KIAA1549L: variants seen among roughly 807,000 people sequenced by gnomAD.
KIAA1549L encodes the protein KIAA1549 like.
A neutral mutation model predicts 160.7 loss-of-function variants in KIAA1549L; 88 were observed. The ratio of observed to expected loss-of-function variants is 0.55; its 90% confidence interval spans 0.46 to 0.65. KIAA1549L has a LOEUF of 0.65. KIAA1549L is among the 30% of genes least tolerant of loss of function. The pLI is 0.00. For synonymous variants in KIAA1549L, 950 were observed against 976.7 expected (o/e 0.97, Z 0.51); for missense variants, 2,258 against 2,437.5 (o/e 0.93, Z 1.55).
intron 1 of KIAA1549L, among the ~76,000 whole-genome samples, chr11:33,382,486 A>G (rs924764813): frequency 6.6e-6 from 1 of 152,104 alleles, no homozygotes; most frequent in African/African-American, 2.4e-5. Context: ...GACAATTCTT[A>G]TGAAGTTTTT....
intron 1 of KIAA1549L, among the ~76,000 whole-genome samples, chr11:33,410,868 C>T (rs1850771866): frequency 6.6e-6 from 1 of 152,190 alleles, no homozygotes; most frequent in South Asian, 2.1e-4. Context: ...AGAGCTAAGG[C>T]ATTTGGAAGC....
At chr11:33,396,814 G>A (rs1850384148) in intron 1 of KIAA1549L, among the ~76,000 whole-genome samples, 1 of 151,966 alleles carries the variant, frequency 6.6e-6, no homozygotes, top group African/African-American at 2.4e-5. Flanking sequence ...GCAAAGCATG[G>A]TGGTGCACAC....
chr11:33,649,873 A>G (rs1851835069), intron 17 of KIAA1549L, among the ~76,000 whole-genome samples: 1 of 151,836 alleles, frequency 6.6e-6, no homozygotes, highest in African/African-American at 2.4e-5. Flanking sequence ...AAAAAAAAAA[A>G]AAAGGAAAGA....
chr11:33,516,006 T>C (rs1853334979), intron 1 of KIAA1549L, among the ~76,000 whole-genome samples: 1 of 152,232 alleles, frequency 6.6e-6, no homozygotes, highest in Non-Finnish European at 1.5e-5. Flanking sequence ...AAATTCATGC[T>C]GCCATTCTGT....
intron 1 of KIAA1549L, among the ~76,000 whole-genome samples, chr11:33,493,485 G>A (rs1852744484): frequency 6.6e-6 from 1 of 152,138 alleles, no homozygotes; most frequent in Non-Finnish European, 1.5e-5. Context: ...ATGCTGTGCT[G>A]GGGGCATCTT....
At chr11:33,497,597 A>G (rs1298359785) in intron 1 of KIAA1549L, among the ~76,000 whole-genome samples, 1 of 152,212 alleles carries the variant, frequency 6.6e-6, no homozygotes, top group African/African-American at 2.4e-5. Context: ...GTTCTTTTTT[A>G]GTATATCTGG....
Position 33,658,816 on chromosome 11 carries a change from G to T in KIAA1549L, c.5925G>T (p.Leu1975=), listed in dbSNP as rs1852160654. 1 of 1,566,578 alleles carries T rather than the reference G, an allele frequency of 6.4e-7. No homozygotes were observed. The highest frequency in any genetic ancestry group is 8.7e-7 in the Non-Finnish European group (1 of 1,155,894). ...AESTGPEPAQ[L]HDSASFTQMS... ...CTACAGGGCCCGAGCCGGCCCAGCT[G>T]CACGACAGCGCCTCCTTCACGCAGA... is the stretch of plus-strand genomic sequence containing the variant. Residue 1975 remains leucine, a synonymous_variant, in exon 19 of 21, where the codon CTG becomes CTT. Transcript: ENST00000658780.
At chr11:33,450,042 T>A (rs972262801) in intron 1 of KIAA1549L, among the ~76,000 whole-genome samples, 7 of 152,216 alleles carry the variant, frequency 4.6e-5, no homozygotes, top group Non-Finnish European at 7.3e-5. Context: ...GTGACTTGGC[T>A]TTATGGTATG....
chr11:33,652,097 C>T (rs1002134025), intron 17 of KIAA1549L, among the ~76,000 whole-genome samples: 4 of 151,258 alleles, frequency 2.6e-5, no homozygotes, highest in African/African-American at 9.7e-5. Flanking sequence ...GGCAGGGACC[C>T]CAAAAGACGG....
intron 1 of KIAA1549L, among the ~76,000 whole-genome samples, chr11:33,418,684 TG>T (rs1288400914): frequency 6.6e-6 from 1 of 152,168 alleles, no homozygotes. Flanking sequence ...GAAAGTTACC[TG>T]GGGTGGATGG....
intron 1 of KIAA1549L, among the ~76,000 whole-genome samples, chr11:33,438,600 G>A (rs1014045118): frequency 2.6e-5 from 4 of 152,250 alleles, no homozygotes; most frequent in African/African-American, 4.8e-5. Flanking sequence ...CAGCACGTGG[G>A]CCTTCCATGC....
In KIAA1549L at chr11:33,376,221, G is replaced by A. The variant is rs1341399090; in HGVS notation, c.-431G>A. Among the ~76,000 whole-genome samples the A allele has an allele frequency of 6.7e-6, 1 of 149,326 alleles. No homozygotes were observed. Among genetic ancestry groups the A allele is most frequent in the Non-Finnish European group, 1.5e-5 (1 of 66,908 alleles). ...GAGCGAGGAGCGAGGAGCCAGGACAGCGGGGCGCCGAGGCTGCAGCGGCGG... is the reference window on the plus strand; with the variant it reads ...GAGCGAGGAGCGAGGAGCCAGGACAACGGGGCGCCGAGGCTGCAGCGGCGG... On this transcript the variant is annotated 5_prime_UTR_variant, in exon 1 of 21. Transcript: ENST00000658780. This position sits in a 1 kb window ranked among gnomAD's most constrained non-coding sequence, Gnocchi z 5.8.
chr11:33,544,461 C>T, intron 2 of KIAA1549L, 125 bp downstream of exon 2: 2 of 1,045,148 alleles, frequency 1.9e-6, no homozygotes, highest in Non-Finnish European at 2.8e-6. Flanking sequence ...GCTCATACCC[C>T]CGATCAGGAA....
At chr11:33,437,623 T>C (rs1308869645) in intron 1 of KIAA1549L, among the ~76,000 whole-genome samples, 1 of 152,234 alleles carries the variant, frequency 6.6e-6, no homozygotes, top group Non-Finnish European at 1.5e-5. Flanking sequence ...GCATGGAATG[T>C]ATATAGCAAG....
At chr11:33,563,391 C>G (rs1212404726) in intron 8 of KIAA1549L, among the ~76,000 whole-genome samples, 1 of 150,552 alleles carries the variant, frequency 6.6e-6, no homozygotes, top group African/African-American at 2.4e-5. Context: ...GGGGGACACA[C>G]GTCAGCCTGT....
At chr11:33,468,280 T>C (rs1173055930) in intron 1 of KIAA1549L, among the ~76,000 whole-genome samples, 1 of 152,232 alleles carries the variant, frequency 6.6e-6, no homozygotes, top group Non-Finnish European at 1.5e-5. Flanking sequence ...GTCAGTAGTT[T>C]CCATGGCACC....
chr11:33,574,873 C>A lies in KIAA1549L; in HGVS notation c.4402C>A (p.Pro1468Thr). 2 of 1,611,418 alleles carry A rather than the reference C, an allele frequency of 1.2e-6. No homozygotes were observed. The highest frequency in any genetic ancestry group is 8.5e-7 in the Non-Finnish European group (1 of 1,178,362). The change falls in exon 10 of 21, where the codon CCC (proline) becomes ACC (threonine). Residue 1468 changes from proline to threonine, a missense_variant and splice_region_variant. This residue lies in a region of KIAA1549L where 1,359 missense variants were observed against 1,546.6 expected (regional missense o/e 0.88). Coordinates refer to ENST00000658780, the MANE Select transcript of KIAA1549L (RefSeq NM_012194.3). ...LHHVVLLQAD[P>T]VVKNPPNNLW... ...TCACGTTGTCCTTCTGCAAGCTGAC[C>A]GTAAGGGAATGGTCTTTTTATTCAG...
intron 7 of KIAA1549L, among the ~76,000 whole-genome samples, chr11:33,560,470 A>G (rs1320988904): frequency 6.6e-6 from 1 of 152,180 alleles, no homozygotes; most frequent in Non-Finnish European, 1.5e-5. Flanking sequence ...GCCTCCAGAT[A>G]TCATAATATA....
At chr11:33,489,281 G>C (rs990480575) in intron 1 of KIAA1549L, among the ~76,000 whole-genome samples, 3 of 152,166 alleles carry the variant, frequency 2.0e-5, no homozygotes, top group African/African-American at 2.4e-5. Flanking sequence ...CTGCCTTCTT[G>C]CTGTGTGCTT....
Sources: gnomAD v4.1 joint callset for allele counts (sites outside exome capture counted in the v4.1 genomes callset) on GRCh38, gnomAD v4.1.1 for gene constraint, gnomAD v4.1.1 regional missense constraint, Gnocchi (gnomAD v3.1) non-coding constraint, MANE v1.5 for transcripts, NCBI Gene and HGNC (gene_info 2026-07-23, HGNC 2026-07-21) for gene names.